CNTNAP3B: variants seen among roughly 807,000 people sequenced by gnomAD.
CNTNAP3B encodes the protein contactin associated protein family member 3B, also known as contactin-associated protein-like 3B.
A neutral mutation model predicts 108.9 loss-of-function variants in CNTNAP3B; 25 were observed. The observed-to-expected ratio is 0.23, with a 90% CI of 0.17 to 0.32. CNTNAP3B has a LOEUF of 0.32. Ranked by LOEUF, CNTNAP3B falls within the 10% of genes least tolerant of loss-of-function variation. The pLI is 1.00. For synonymous variants in CNTNAP3B, 103 were observed against 473.4 expected (o/e 0.22, Z 10.16); for missense variants, 252 against 1,210.4 (o/e 0.21, Z 11.75).
intron 9 of CNTNAP3B, among the ~76,000 whole-genome samples, chr9:41,973,063 G>A (rs369220129): frequency 2.2e-5 from 3 of 137,750 alleles, no homozygotes; most frequent in Admixed American, 7.3e-5. Flanking sequence ...TCAGCCTCCC[G>A]AGTGGCTGGG....
Position 42,104,587 on chromosome 9 carries a change from G to A in CNTNAP3B, c.196+42C>T. The A allele has an allele frequency of 3.5e-6, 4 of 1,159,278 alleles. No homozygotes were observed. The South Asian group carries it at 3.9e-5, about 11-fold the overall frequency. 71.8% of individuals were successfully genotyped at this position (1,159,278 alleles called of 1,614,324 possible). ...TTATTTTGTTAAAAGAAAATCCAATGAGAGTCACCAAGGAGCAATACAAGG... is the reference window on the plus strand; with the variant it reads ...TTATTTTGTTAAAAGAAAATCCAATAAGAGTCACCAAGGAGCAATACAAGG... On this transcript the variant is annotated intron_variant, in intron 2 of 23. Transcript: ENST00000377561.
rs567612180 is a variant in CNTNAP3B, at chr9:42,047,796, T to C, written c.390+29073A>G. ...TCTCCCTCTCTTGGTTGGTTCTCTG[T>C]TTGTGATAGTGTTTTAGGACCAACC... On this transcript the variant is annotated intron_variant, in intron 3 of 23. Coordinates refer to ENST00000377561, the MANE Select transcript of CNTNAP3B (RefSeq NM_001201380.3). Among the ~76,000 whole-genome samples, 170 of 114,992 alleles carry C rather than the reference T, an allele frequency of 1.5e-3. 20 individuals are homozygous for C. The highest frequency in any genetic ancestry group is 6.0e-3 in the African/African-American group (164 of 27,158). 75.4% of individuals were successfully genotyped at this position (114,992 alleles called of 152,430 possible).
chr9:41,977,867 G>A (rs1170243614), intron 9 of CNTNAP3B, among the ~76,000 whole-genome samples: 1 of 139,326 alleles, frequency 7.2e-6, no homozygotes. Flanking sequence ...TCCTGACCTT[G>A]TGATCCACCT....
rs370646892 is a variant in CNTNAP3B, at chr9:42,116,009, G to A, written c.86-11270C>T. 2.0e-4 allele frequency among the ~76,000 whole-genome samples: 28 copies of A among 138,920 alleles called. 5 individuals are homozygous for A. The highest frequency in any genetic ancestry group is 6.5e-4 in the East Asian group (3 of 4,596). The allele number at this position is 138,920 out of a possible 152,430, so 91.1% of individuals were successfully genotyped here. On this transcript the variant is annotated intron_variant, in intron 1 of 23. Transcript: ENST00000377561. ...CGAATGGCTAACTAGAATAAACAGC[G>A]TAGAGAAGACCTTAAATGACCAGAT...
chr9:41,965,204 C>T (rs1810900), intron 10 of CNTNAP3B, among the ~76,000 whole-genome samples: 15 of 152,294 alleles, frequency 9.8e-5, no homozygotes, highest in Non-Finnish European at 1.8e-4. Flanking sequence ...CAAAGCAATC[C>T]ACAAATTCAA....
intron 3 of CNTNAP3B, among the ~76,000 whole-genome samples, chr9:42,074,647 C>T (rs1273427097): frequency 1.4e-5 from 2 of 146,332 alleles, no homozygotes; most frequent in Non-Finnish European, 3.0e-5. Flanking sequence ...GAAGGAGATG[C>T]AAAGATAAAG....
At chr9:42,082,900 C>A in intron 2 of CNTNAP3B, among the ~76,000 whole-genome samples, 3 of 139,576 alleles carry the variant, frequency 2.1e-5, no homozygotes, top group Admixed American at 2.1e-4. Flanking sequence ...CAATGATGGT[C>A]AGATTAGATG....
chr9:41,960,515 G>A (rs1480002900), intron 12 of CNTNAP3B, among the ~76,000 whole-genome samples: 4 of 152,218 alleles, frequency 2.6e-5, no homozygotes, highest in Admixed American at 2.0e-4. Context: ...TTATCATGAT[G>A]CACATGAACA....
intron 13 of CNTNAP3B, among the ~76,000 whole-genome samples, chr9:41,945,407 A>G (rs1157844504): frequency 2.6e-5 from 4 of 152,310 alleles, no homozygotes; most frequent in Non-Finnish European, 5.9e-5. Context: ...AAAATGTGGC[A>G]CATATATACC....
At chr9:42,060,081 T>G (rs1827148617) in intron 3 of CNTNAP3B, among the ~76,000 whole-genome samples, 1 of 147,530 alleles carries the variant, frequency 6.8e-6, no homozygotes, top group African/African-American at 2.6e-5. Context: ...GTGGTGATAG[T>G]GGGCATCCTT....
rs777786556 is a variant in CNTNAP3B, at chr9:41,953,291, C to T, written c.1972G>A (p.Ala658Thr). 16 of 1,531,292 alleles carry T rather than the reference C, an allele frequency of 1.0e-5. No homozygotes were observed. In the African/African-American group the frequency reaches 1.8e-4, roughly 17 times the overall value. 94.9% of individuals were successfully genotyped at this position (1,531,292 alleles called of 1,614,324 possible). A position where few individuals can be genotyped will look rare whatever the true frequency, so the allele number is the denominator to read the frequency against. ...SGHPLSAVSFAYAAGAGQLRA... is the reference protein window; with the variant it reads ...SGHPLSAVSFTYAAGAGQLRA... ...AGCTGCCCCGCGCCCGCTGCGTACG[C>T]GAAGGACACAGCCGAGAGCGGGTGC... is the stretch of plus-strand genomic sequence containing the variant. The change falls in exon 13 of 24, where the codon GCG becomes ACG. Residue 658 changes from alanine to threonine, a missense_variant. Transcript: ENST00000377561.
At chr9:41,939,276 T>C (rs1231721262) in intron 13 of CNTNAP3B, among the ~76,000 whole-genome samples, 11 of 152,402 alleles carry the variant, frequency 7.2e-5, no homozygotes, top group African/African-American at 2.2e-4. Flanking sequence ...GATTAGGCCA[T>C]GAGGAAAATG....
intron 3 of CNTNAP3B, among the ~76,000 whole-genome samples, chr9:42,061,396 C>T (rs112610342): frequency 0.15 from 10,526 of 70,700 alleles, 24 homozygotes; most frequent in East Asian, 0.26. Flanking sequence ...TGGCTCACTG[C>T]AATCTCTACC....
At chr9:41,920,710 G>A (rs1246960644) in intron 17 of CNTNAP3B, among the ~76,000 whole-genome samples, 2 of 152,304 alleles carry the variant, frequency 1.3e-5, no homozygotes, top group African/African-American at 2.4e-5. Context: ...GAATAAGAAT[G>A]TGCATTATAA....
At chr9:41,918,401 G>A (rs926359230) in intron 18 of CNTNAP3B, among the ~76,000 whole-genome samples, 4 of 146,600 alleles carry the variant, frequency 2.7e-5, no homozygotes, top group African/African-American at 7.8e-5. Flanking sequence ...CTTTATGAAA[G>A]GTTGATATTT....
At chr9:42,002,787 C>T (rs1425039528) in intron 4 of CNTNAP3B, among the ~76,000 whole-genome samples, 1 of 134,152 alleles carries the variant, frequency 7.5e-6, no homozygotes, top group Non-Finnish European at 1.6e-5. Context: ...AGGAGTCTAC[C>T]TTCTTTAGAC....
At chr9:41,924,645 G>GCACACACACA (rs200851620) in intron 15 of CNTNAP3B, among the ~76,000 whole-genome samples, 130 of 135,048 alleles carry the variant, frequency 9.6e-4, no homozygotes, top group Non-Finnish European at 1.5e-3. Flanking sequence ...TTTCCTTCCT[G>GCACACACACA]CACACACACA....
chr9:41,944,282 A>T (rs1824455658), intron 13 of CNTNAP3B, among the ~76,000 whole-genome samples: 1 of 148,708 alleles, frequency 6.7e-6, no homozygotes, highest in Admixed American at 6.7e-5. Context: ...AAATTAAAAT[A>T]AAATCTAGTG....
chr9:41,920,955 G>GA (rs1823651049), intron 17 of CNTNAP3B, among the ~76,000 whole-genome samples: 1 of 152,306 alleles, frequency 6.6e-6, no homozygotes, highest in Non-Finnish European at 1.5e-5. Flanking sequence ...GAATGCTGAA[G>GA]AAACCATTTA....
Sources: gnomAD v4.1 joint callset for allele counts (sites outside exome capture counted in the v4.1 genomes callset) on GRCh38, gnomAD v4.1.1 for gene constraint, MANE v1.5 for transcripts, NCBI Gene and HGNC (gene_info 2026-07-23, HGNC 2026-07-21) for gene names.